Variants in FAM149A observed in about 807,000 individuals in gnomAD.
FAM149A encodes the protein protein FAM149A.
In FAM149A, 71 loss-of-function variants were observed where a neutral mutation model predicts 78.2. That is an observed-to-expected ratio of 0.91 (90% CI 0.75 to 1.11). FAM149A has a LOEUF of 1.11. FAM149A is among the 50% of genes least tolerant of loss of function. The probability of loss-of-function intolerance (pLI) is 0.00; values close to 1 mark genes in which losing one functional copy is unlikely to be tolerated. For synonymous variants in FAM149A, 446 were observed against 410.5 expected (o/e 1.09, Z -1.04); for missense variants, 1,036 against 971.0 (o/e 1.07, Z -0.89).
chr4:186,156,288 C>T (rs1734029337), intron 7 of FAM149A, 98 bp downstream of exon 7: 5 of 849,302 alleles, frequency 5.9e-6, no homozygotes, highest in Non-Finnish European at 9.3e-6. Context: ...AGAACGTGAC[C>T]AGTGAGAAGA....
chr4:186,140,815 T>G (rs1017927974), intron 1 of FAM149A, among the ~76,000 whole-genome samples: 7 of 152,332 alleles, frequency 4.6e-5, no homozygotes, highest in South Asian at 2.1e-4. Flanking sequence ...AACATTGTAT[T>G]AGGTTCTCCA....
Position 186,173,375 on chromosome 4 carries a change from C to T in FAM149A, c.*1388C>T, listed in dbSNP as rs1264870638. ...TTTTTTCTTTTCTTTTTTTTTGAAA[C>T]GGAGTCTGGCTCTGTGGCCCCGGCT... On this transcript the variant is annotated 3_prime_UTR_variant, in exon 14 of 14. Transcript: ENST00000389354. Among the ~76,000 whole-genome samples the T allele has an allele frequency of 4.6e-5, 5 of 109,682 alleles. 1 individual carries two copies. Among genetic ancestry groups the T allele is most frequent in the Admixed American group, 1.8e-4 (2 of 11,148 alleles). The allele number at this position is 109,682 out of a possible 152,430, so 72.0% of individuals were successfully genotyped here.
In FAM149A at chr4:186,108,426, C is replaced by A. The variant is rs73873721; in HGVS notation, c.566+2784C>A. Reference sequence around the variant, plus strand: ...TGTACTTGGCTTTAAAAAAAAAAAACAAAAAACTAAAAGTAGTGAAATTAA... The same window carrying A: ...TGTACTTGGCTTTAAAAAAAAAAAAAAAAAAACTAAAAGTAGTGAAATTAA... On this transcript the variant is annotated intron_variant, in intron 1 of 13. Coordinates refer to ENST00000389354, the MANE Select transcript of FAM149A (RefSeq NM_001367768.3). Among the ~76,000 whole-genome samples, 853 of 105,760 alleles carry A rather than the reference C, an allele frequency of 8.1e-3. 4 individuals are homozygous for A. Among genetic ancestry groups the A allele is most frequent in the African/African-American group, 0.011 (400 of 36,428 alleles). 69.4% of individuals were successfully genotyped at this position (105,760 alleles called of 152,430 possible).
rs2099308192 is a variant in FAM149A at position 186,105,003 on chromosome 4, C to T, written c.-74C>T. 3 of 1,237,404 alleles carry T rather than the reference C, an allele frequency of 2.4e-6. No individual in the cohort carries two copies. Among genetic ancestry groups the T allele is most frequent in the Admixed American group, 2.6e-5 (1 of 38,274 alleles). The allele number at this position is 1,237,404 out of a possible 1,614,324, so 76.7% of individuals were successfully genotyped here. ...GGACCTCAGGCTCCTCGCCCCGGCCCGGGCCGCCTCGGCCGGATCTCCGCG... is the reference window on the plus strand; with the variant it reads ...GGACCTCAGGCTCCTCGCCCCGGCCTGGGCCGCCTCGGCCGGATCTCCGCG... On this transcript the variant is annotated 5_prime_UTR_variant, in exon 1 of 14. Coordinates refer to ENST00000389354, the MANE Select transcript of FAM149A (RefSeq NM_001367768.3).
intron 11 of FAM149A, among the ~76,000 whole-genome samples, chr4:186,165,797 C>T (rs941094098): frequency 6.6e-6 from 1 of 152,250 alleles, no homozygotes; most frequent in Non-Finnish European, 1.5e-5. Context: ...TGGATCCTGC[C>T]ACAGAAACTC....
chr4:186,163,367 G>GCAC, intron 9 of FAM149A, 57 bp from the exon 10 acceptor site: 10 of 1,401,100 alleles, frequency 7.1e-6, no homozygotes, highest in Non-Finnish European at 1.0e-5. Context: ...ACAGACAGGT[G>GCAC]CGTTCCCTGT....
intron 4 of FAM149A, 148 bp from the exon 5 acceptor site, chr4:186,153,497 A>G (rs1273950598): frequency 6.8e-6 from 10 of 1,467,950 alleles, no homozygotes; most frequent in Non-Finnish European, 8.2e-6. Context: ...TCAAAGTCAC[A>G]CTTCTGTGAT....
intron 4 of FAM149A, 111 bp downstream of exon 4, chr4:186,152,156 T>C (rs1004666843): frequency 7.9e-6 from 8 of 1,014,350 alleles, no homozygotes; most frequent in Non-Finnish European, 1.2e-5. Context: ...CCAGTCAGAA[T>C]ATGGATGCAG....
chr4:186,105,302 TC>T lies in FAM149A; in HGVS notation c.231del (p.Tyr78ThrfsTer126). On this transcript the variant is annotated frameshift_variant, in exon 1 of 14. Coordinates refer to ENST00000389354, the MANE Select transcript of FAM149A (RefSeq NM_001367768.3). LOFTEE classifies it high-confidence loss of function. ...GCGGTCGCCCGCCCCGCTGCTCTCC[TC>T]CCCCTACTCCCGGGGCTCCGCCGCC... 2.6e-6 allele frequency: 3 copies of T among 1,173,332 alleles called. No individual in the cohort carries two copies. The highest frequency in any genetic ancestry group is 2.1e-6 in the Non-Finnish European group (2 of 942,094). The allele number at this position is 1,173,332 out of a possible 1,614,324, so 72.7% of individuals were successfully genotyped here. A position where few individuals can be genotyped will look rare whatever the true frequency, so the allele number is the denominator to read the frequency against.
intron 9 of FAM149A, 91 bp from the exon 10 acceptor site, chr4:186,163,333 G>A (rs1322931918): frequency 5.1e-6 from 5 of 983,676 alleles, no homozygotes; most frequent in African/African-American, 1.6e-5. Context: ...GTGCCAGACT[G>A]TTCTAGGCAG....
intron 1 of FAM149A, chr4:186,118,233 G>A (rs1046653282): frequency 5.1e-6 from 5 of 985,316 alleles, no homozygotes; most frequent in African/African-American, 1.7e-5. Context: ...TACTGTTGCT[G>A]TGGGAGTTTC....
chr4:186,136,021 A>G (rs2099322534), intron 1 of FAM149A, among the ~76,000 whole-genome samples: 1 of 152,232 alleles, frequency 6.6e-6, no homozygotes, highest in African/African-American at 2.4e-5. Flanking sequence ...GGTGAACCAG[A>G]GAATAATAAG....
At chr4:186,132,362 G>A in intron 1 of FAM149A, 1 of 393,786 alleles carries the variant, frequency 2.5e-6, no homozygotes, top group Non-Finnish European at 3.5e-6. Flanking sequence ...TGGGAGCCCA[G>A]TAGAAAAGCC....
chr4:186,155,148 A>G (rs1402152287), intron 6 of FAM149A, among the ~76,000 whole-genome samples: 1 of 151,902 alleles, frequency 6.6e-6, no homozygotes, highest in Non-Finnish European at 1.5e-5. Flanking sequence ...ATTTTTTTTT[A>G]GTAGAGACGG....
At chr4:186,106,304 A>C (rs1394194704) in intron 1 of FAM149A, among the ~76,000 whole-genome samples, 1 of 152,116 alleles carries the variant, frequency 6.6e-6, no homozygotes, top group African/African-American at 2.4e-5. Flanking sequence ...GATTCCCTCA[A>C]CACACACACA....
chr4:186,149,370 C>G, intron 2 of FAM149A, 87 bp downstream of exon 2: 4 of 1,212,024 alleles, frequency 3.3e-6, no homozygotes, highest in Non-Finnish European at 3.2e-6. Context: ...CCATGAATTT[C>G]TAAAAGTAAG....
At chr4:186,151,089 A>C (rs541407633) in intron 3 of FAM149A, 1 of 984,688 alleles carries the variant, frequency 1.0e-6, no homozygotes, top group South Asian at 4.7e-5. Flanking sequence ...TGTGATTCTC[A>C]GGGGAGCCGG....
At chr4:186,149,807 T>C (rs1022620823) in intron 3 of FAM149A, 103 bp downstream of exon 3, 3 of 749,008 alleles carry the variant, frequency 4.0e-6, no homozygotes, top group Non-Finnish European at 5.5e-6. Flanking sequence ...AAGCATGACC[T>C]ATTGCATACA....
chr4:186,149,248 A>T lies in FAM149A; in HGVS notation c.642A>T (p.Thr214=). The T allele has an allele frequency of 7.8e-7, 1 of 1,289,446 alleles. No individual in the cohort carries two copies. The highest frequency in any genetic ancestry group is 1.5e-5 in the African/African-American group (1 of 65,990). The allele number at this position is 1,289,446 out of a possible 1,614,324, so 79.9% of individuals were successfully genotyped here. ...AAGATTCTTTACCTACGCATTTTAC[A>T]AGAAATGTGCAGAAAGCCATTGATA... Residue 214 remains threonine, a synonymous_variant, in exon 2 of 14, where the codon ACA becomes ACT. Transcript: ENST00000389354.
Sources: gnomAD v4.1 joint callset for allele counts (sites outside exome capture counted in the v4.1 genomes callset) on GRCh38, gnomAD v4.1.1 for gene constraint, MANE v1.5 for transcripts, NCBI Gene and HGNC (gene_info 2026-07-23, HGNC 2026-07-21) for gene names.